Variants in PXDNL observed in about 807,000 individuals in gnomAD.
PXDNL encodes probable oxidoreductase PXDNL.
In PXDNL, 145 loss-of-function variants were observed where a neutral mutation model predicts 150.8. The ratio of observed to expected loss-of-function variants is 0.96; its 90% CI spans 0.84 to 1.10. The LOEUF is 1.10. Among genes scored for constraint, PXDNL ranks in the 50% least tolerant of loss-of-function variants. The pLI, the probability that PXDNL is intolerant of heterozygous loss-of-function variation, is 0.00. For synonymous variants in PXDNL, 757 were observed against 725.7 expected (o/e 1.04, Z -0.69); for missense variants, 2,087 against 1,873.9 (o/e 1.11, Z -2.10).
intron 1 of PXDNL, among the ~76,000 whole-genome samples, chr8:51,773,374 T>A (rs1315858441): frequency 6.6e-6 from 1 of 152,126 alleles, no homozygotes; most frequent in African/African-American, 2.4e-5. Flanking sequence ...ATTCTTTCAC[T>A]CAGCCACAGG....
chr8:51,453,554 C>A lies in PXDNL; in HGVS notation c.1214G>T (p.Gly405Val), dbSNP rs753799886. Residue 405 changes from glycine to valine, a missense_variant, in exon 10 of 23, where the codon GGC (glycine) becomes GTC (valine). Transcript: ENST00000356297. ...TATGTTTGCTGCAGCTTGAACAGTG[C>A]CGTGGCTATTGTTGGCATGACAGGT... ...RFTCHANNSH[G>V]TVQAAANIIV... is the part of the protein sequence containing the mutation. 1.9e-6 allele frequency: 3 copies of A among 1,614,002 alleles called. No individual in the cohort carries two copies. The highest frequency in any genetic ancestry group is 2.5e-6 in the Non-Finnish European group (3 of 1,179,872).
rs1484743045 is a variant in PXDNL at position 51,621,946 on chromosome 8, A to AG, written c.237-29249_237-29248insC. Among the ~76,000 whole-genome samples, 29 of 68,164 alleles carry AG rather than the reference A, an allele frequency of 4.3e-4. 1 individual carries two copies. Among genetic ancestry groups the AG allele is most frequent in the Non-Finnish European group, 7.0e-4 (27 of 38,586 alleles). 44.7% of individuals were successfully genotyped at this position (68,164 alleles called of 152,430 possible). On this transcript the variant is annotated intron_variant, in intron 2 of 22. Coordinates refer to ENST00000356297, the MANE Select transcript of PXDNL (RefSeq NM_144651.5). ...GTGACAGAGTGAGACCCTGTCTCAA[A>AG]AAAAAAAAAAAAAAAAGCAATTTTG... is the stretch of plus-strand genomic sequence containing the variant.
chr8:51,437,977 A>C (rs7015343), intron 12 of PXDNL, among the ~76,000 whole-genome samples: 28,833 of 152,170 alleles, frequency 0.19, 3,055 homozygotes, highest in East Asian at 0.32. Context: ...ATACAAAATT[A>C]ATGTACACAA....
At chr8:51,705,575 C>A (rs752291563) in intron 1 of PXDNL, among the ~76,000 whole-genome samples, 2 of 152,112 alleles carry the variant, frequency 1.3e-5, no homozygotes, top group Non-Finnish European at 2.9e-5. Flanking sequence ...TATCAGAAAG[C>A]GCATATTACT....
rs749132934 is a variant in PXDNL, at chr8:51,423,775, TA to T, written c.1639-45del. On this transcript the variant is annotated intron_variant, in intron 13 of 22. Transcript: ENST00000356297. ...TTGCCACTGAATGAGTGTGGTTCCT[TA>T]AAAAATCATTTATTTACTTTTTAAA... 4 of 1,544,914 alleles carry T rather than the reference TA, an allele frequency of 2.6e-6. No individual in the cohort carries two copies. In the South Asian group the frequency reaches 3.6e-5, roughly 14 times the overall value.
At chr8:51,631,896 A>T (rs973351062) in intron 2 of PXDNL, among the ~76,000 whole-genome samples, 10 of 152,146 alleles carry the variant, frequency 6.6e-5, no homozygotes, top group African/African-American at 1.9e-4. Flanking sequence ...AAAATAAAAA[A>T]TTAATTAAAT....
At chr8:51,422,238 T>C (rs1193657433) in intron 14 of PXDNL, among the ~76,000 whole-genome samples, 2 of 152,134 alleles carry the variant, frequency 1.3e-5, no homozygotes, top group Non-Finnish European at 2.9e-5. Context: ...TTTCATTATA[T>C]GTTACAATGT....
chr8:51,650,346 C>T (rs1815007537), intron 2 of PXDNL, among the ~76,000 whole-genome samples: 1 of 152,224 alleles, frequency 6.6e-6, no homozygotes, highest in Middle Eastern at 3.4e-3. Flanking sequence ...TGCCCTGACT[C>T]TTCTCACTCA....
At chr8:51,789,601 A>G (rs2037492168) in intron 1 of PXDNL, among the ~76,000 whole-genome samples, 1 of 152,232 alleles carries the variant, frequency 6.6e-6, no homozygotes, top group African/African-American at 2.4e-5. Flanking sequence ...CTTCCATGAC[A>G]TCATGCCTGT....
chr8:51,428,943 CA>C (rs1809181467), intron 12 of PXDNL, among the ~76,000 whole-genome samples: 1 of 14,734 alleles, frequency 6.8e-5, no homozygotes, highest in Non-Finnish European at 4.5e-4. Context: ...ACCACATATG[CA>C]GAAAGGAATA....
chr8:51,807,566 A>G (rs2037691108), intron 1 of PXDNL, among the ~76,000 whole-genome samples: 1 of 152,188 alleles, frequency 6.6e-6, no homozygotes, highest in Non-Finnish European at 1.5e-5. Flanking sequence ...CCAAGAAGTT[A>G]AGAATTTGTC....
At position 51,413,185 on chromosome 8, in the gene PXDNL, A is replaced by G; in HGVS notation, c.1869T>C (p.Ser623=). Residue 623 remains serine, a synonymous_variant, in exon 15 of 23, where the codon AGT becomes AGC. Coordinates refer to ENST00000356297, the MANE Select transcript of PXDNL (RefSeq NM_144651.5). ...SILDAVQRVD[S]AINSTRRHLF... is the part of the protein sequence containing the mutation. ...AATGTCTTCGTGTGGAGTTAATTGCACTGTCAACTCTCTGTACAGCATCAA... is the reference window on the plus strand; with the variant it reads ...AATGTCTTCGTGTGGAGTTAATTGCGCTGTCAACTCTCTGTACAGCATCAA... The G allele has an allele frequency of 6.2e-7, 1 of 1,610,196 alleles. No homozygotes were observed.
At chr8:51,609,878 C>T (rs1050745514) in intron 2 of PXDNL, among the ~76,000 whole-genome samples, 17 of 152,184 alleles carry the variant, frequency 1.1e-4, no homozygotes, top group Non-Finnish European at 2.5e-4. Context: ...AACCAGATAA[C>T]CAGATCACAC....
At chr8:51,349,460 A>G (rs1586022320) in intron 19 of PXDNL, among the ~76,000 whole-genome samples, 1 of 152,198 alleles carries the variant, frequency 6.6e-6, no homozygotes, top group East Asian at 1.9e-4. Flanking sequence ...GCCAAGAGCA[A>G]GTCGAATGTA....
intron 3 of PXDNL, among the ~76,000 whole-genome samples, chr8:51,557,699 A>T (rs985089806): frequency 2.0e-5 from 3 of 152,146 alleles, no homozygotes; most frequent in South Asian, 2.1e-4. Flanking sequence ...TAAACACACC[A>T]ATTCTAAAGT....
chr8:51,477,387 G>C (rs1210061422), intron 6 of PXDNL, among the ~76,000 whole-genome samples: 1 of 152,180 alleles, frequency 6.6e-6, no homozygotes, highest in African/African-American at 2.4e-5. Flanking sequence ...CATGGCTAAA[G>C]TAGGGAATTC....
At chr8:51,608,557 G>C (rs1175614803) in intron 2 of PXDNL, among the ~76,000 whole-genome samples, 1 of 148,252 alleles carries the variant, frequency 6.7e-6, no homozygotes, top group Non-Finnish European at 1.5e-5. Context: ...AGTATTGCAG[G>C]CCGGGCGCGG....
chr8:51,763,736 TCAC>T (rs779615164), intron 1 of PXDNL, among the ~76,000 whole-genome samples: 16 of 152,144 alleles, frequency 1.1e-4, no homozygotes, highest in South Asian at 4.1e-4. Context: ...TTCTAATTGT[TCAC>T]CACAAGTACA....
intron 12 of PXDNL, among the ~76,000 whole-genome samples, chr8:51,438,602 C>A (rs1045281526): frequency 6.6e-6 from 1 of 152,114 alleles, no homozygotes; most frequent in African/African-American, 2.4e-5. Context: ...ATAGTCCCAG[C>A]TACTCAGGAG....
Sources: gnomAD v4.1 joint callset for allele counts (sites outside exome capture counted in the v4.1 genomes callset) on GRCh38, gnomAD v4.1.1 for gene constraint, MANE v1.5 for transcripts, NCBI Gene and HGNC (gene_info 2026-07-23, HGNC 2026-07-21) for gene names.